ATXN7: variants seen among roughly 807,000 people sequenced by gnomAD.
ATXN7 encodes ataxin-7.
ATXN7 carries 12 observed loss-of-function variants against 70.5 expected under a neutral mutation model. The observed-to-expected ratio is 0.17, with a 90% CI of 0.11 to 0.28. The LOEUF (loss-of-function observed/expected upper bound fraction) is 0.28, where lower values mean the gene tolerates loss of function less well. Among genes scored for constraint, ATXN7 ranks in the 10% least tolerant of loss-of-function variants. ATXN7 has a pLI of 1.00. For synonymous variants in ATXN7, 498 were observed against 448.7 expected (o/e 1.11, Z -1.39); for missense variants, 1,256 against 1,131.7 (o/e 1.11, Z -1.58).
intron 6 of ATXN7, among the ~76,000 whole-genome samples, chr3:63,981,695 A>G (rs530770677): frequency 4.6e-5 from 7 of 152,286 alleles, no homozygotes; most frequent in Non-Finnish European, 8.8e-5. Context: ...CTTCTTGGAG[A>G]TATGTTATTT....
chr3:63,888,170 C>G (rs1211983755), intron 1 of ATXN7, among the ~76,000 whole-genome samples: 1 of 151,984 alleles, frequency 6.6e-6, no homozygotes, highest in Non-Finnish European at 1.5e-5. Flanking sequence ...TTTACAGAGG[C>G]TTGGATATTA....
chr3:63,904,592 A>G (rs1268096513), intron 2 of ATXN7: 2 of 152,188 alleles, frequency 1.3e-5, no homozygotes, highest in African/African-American at 2.4e-5. Flanking sequence ...GCACCTGGCA[A>G]TAATATTCTT....
chr3:63,898,363 C>A (rs1027332493), intron 1 of ATXN7, 36 bp from the exon 2 acceptor site: 1 of 152,198 alleles, frequency 6.6e-6, no homozygotes, highest in African/African-American at 2.4e-5. Context: ...TGTCCATCCA[C>A]TGTTTCATCC....
chr3:63,918,402 A>G (rs1223433740), intron 4 of ATXN7, among the ~76,000 whole-genome samples: 1 of 152,118 alleles, frequency 6.6e-6, no homozygotes, highest in Non-Finnish European at 1.5e-5. Context: ...GTTTTTCTCT[A>G]GGGTTTCTTT....
chr3:63,918,253 C>A (rs1704363931), intron 4 of ATXN7, among the ~76,000 whole-genome samples: 1 of 152,138 alleles, frequency 6.6e-6, no homozygotes, highest in Non-Finnish European at 1.5e-5. Flanking sequence ...ACTGAGTCAA[C>A]AGAGTACCAC....
intron 4 of ATXN7, among the ~76,000 whole-genome samples, chr3:63,945,526 T>G (rs968043582): frequency 1.3e-5 from 2 of 152,258 alleles, no homozygotes; most frequent in Non-Finnish European, 2.9e-5. Context: ...TGTCACTAAA[T>G]GACATAAAAG....
chr3:63,957,387 C>T (rs929916902), intron 5 of ATXN7, among the ~76,000 whole-genome samples: 1 of 152,196 alleles, frequency 6.6e-6, no homozygotes, highest in Non-Finnish European at 1.5e-5. Flanking sequence ...CAGGTTGGAG[C>T]AGCCACTTTT....
chr3:63,956,813 CT>C (rs899187054), intron 5 of ATXN7, among the ~76,000 whole-genome samples: 3 of 152,176 alleles, frequency 2.0e-5, no homozygotes, highest in African/African-American at 7.2e-5. Context: ...GAGGCCCCTA[CT>C]TTTTAAAGTA....
At chr3:63,914,274 C>T (rs545210286) in intron 4 of ATXN7, among the ~76,000 whole-genome samples, 1 of 152,298 alleles carries the variant, frequency 6.6e-6, no homozygotes, top group African/African-American at 2.4e-5. Context: ...TTCACACCTG[C>T]TTTTTCTTCA....
At chr3:63,983,045 G>C in intron 8 of ATXN7, 24 bp downstream of exon 8, 1 of 1,588,316 alleles carries the variant, frequency 6.3e-7, no homozygotes, top group Non-Finnish European at 8.6e-7. Context: ...TGAAAGTCAA[G>C]TCGACCATCC....
At chr3:63,943,979 A>G (rs1437788808) in intron 4 of ATXN7, among the ~76,000 whole-genome samples, 2 of 152,126 alleles carry the variant, frequency 1.3e-5, no homozygotes, top group African/African-American at 4.8e-5. Context: ...TAAAAGTTGT[A>G]GGTTGCCCTT....
At chr3:63,974,391 T>C (rs1280516463) in intron 5 of ATXN7, among the ~76,000 whole-genome samples, 1 of 152,264 alleles carries the variant, frequency 6.6e-6, no homozygotes, top group African/African-American at 2.4e-5. Flanking sequence ...CTTACTGATT[T>C]ATGCCCCAGC....
intron 1 of ATXN7, among the ~76,000 whole-genome samples, chr3:63,868,744 T>C (rs1160890115): frequency 6.6e-6 from 1 of 152,170 alleles, no homozygotes; most frequent in African/African-American, 2.4e-5. Context: ...ACATTTTCTC[T>C]TCACTTATAA....
At chr3:63,939,197 G>A (rs190294824) in intron 4 of ATXN7, among the ~76,000 whole-genome samples, 33 of 152,218 alleles carry the variant, frequency 2.2e-4, no homozygotes, top group African/African-American at 7.7e-4. Flanking sequence ...CTTTCTCAGA[G>A]ACTGATACCT....
chr3:63,992,056 G>A (rs369652120), intron 11 of ATXN7, among the ~76,000 whole-genome samples: 141 of 152,236 alleles, frequency 9.3e-4, no homozygotes, highest in Non-Finnish European at 1.8e-3. Context: ...TAATCCCCAG[G>A]CCATCCCAGA....
chr3:63,982,740 G>C (rs999158890), intron 7 of ATXN7, among the ~76,000 whole-genome samples, 199 bp from the exon 8 acceptor site: 3 of 151,714 alleles, frequency 2.0e-5, no homozygotes, highest in Non-Finnish European at 4.4e-5. Context: ...CCATCTGATG[G>C]CAGTAGTCAC....
chr3:63,871,263 C>T (rs1702583928), intron 1 of ATXN7, among the ~76,000 whole-genome samples: 1 of 152,012 alleles, frequency 6.6e-6, no homozygotes, highest in Non-Finnish European at 1.5e-5. Flanking sequence ...AGGCATGACT[C>T]AGTATTTTAG....
chr3:63,967,915 G>A lies in ATXN7; in HGVS notation c.500-12000G>A, dbSNP rs2075253155. 2.6e-6 allele frequency: 4 copies of A among 1,535,812 alleles called. No individual in the cohort carries two copies. The South Asian group carries it at 4.8e-5, about 18-fold the overall frequency. ...GAAGCACAACCAAATTCTGTGAATG[G>A]AAGGTAGCAAGACGCCTCTCCAAAG... On this transcript the variant is annotated intron_variant, in intron 5 of 12. Transcript: ENST00000674280.
intron 1 of ATXN7, among the ~76,000 whole-genome samples, chr3:63,868,938 C>T (rs536711497): frequency 6.6e-6 from 1 of 152,138 alleles, no homozygotes; most frequent in African/African-American, 2.4e-5. Flanking sequence ...AGTTGGGTAC[C>T]TGTGTTGATT....
Sources: gnomAD v4.1 joint callset for allele counts (sites outside exome capture counted in the v4.1 genomes callset) on GRCh38, gnomAD v4.1.1 for gene constraint, MANE v1.5 for transcripts, NCBI Gene and HGNC (gene_info 2026-07-23, HGNC 2026-07-21) for gene names.